The following LDLRAD3 variants were observed in gnomAD, a reference collection of about 807,000 sequenced individuals.
LDLRAD3 encodes the protein low-density lipoprotein receptor class A domain-containing protein 3.
Under a neutral mutation model 29.4 loss-of-function variants are expected in LDLRAD3, and 20 were observed. That is an observed-to-expected ratio of 0.68 (90% CI 0.48 to 0.99). LDLRAD3 has a LOEUF of 0.99. LDLRAD3 is among the 50% of genes least tolerant of loss of function. The probability of loss-of-function intolerance (pLI) is 0.00; values close to 1 mark genes in which losing one functional copy is unlikely to be tolerated. For missense variants in LDLRAD3, 420 were observed against 454.3 expected (o/e 0.92, Z 0.69); for synonymous variants, 157 against 192.7 (o/e 0.81, Z 1.53).
At chr11:36,000,998 G>C (rs1313780575) in intron 1 of LDLRAD3, 3 of 152,192 alleles carry the variant, frequency 2.0e-5, no homozygotes, top group Non-Finnish European at 4.4e-5. Flanking sequence ...CACACTCAAG[G>C]AGTGTTGGCT....
rs552889932 is a variant in LDLRAD3, at chr11:36,225,849, T to C, written c.455-1236T>C. Among the ~76,000 whole-genome samples, 5 of 152,176 alleles carry C rather than the reference T, an allele frequency of 3.3e-5. No individual in the cohort carries two copies. In the South Asian group the frequency reaches 8.3e-4, roughly 25 times the overall value. ...ACTTTGGGAGGCCGAGGCAGTTGGATCACTTGAGGTCAAGAGTTCGAGACC... is the reference window on the plus strand; with the variant it reads ...ACTTTGGGAGGCCGAGGCAGTTGGACCACTTGAGGTCAAGAGTTCGAGACC... On this transcript the variant is annotated intron_variant, in intron 4 of 5. Transcript: ENST00000315571.
chr11:36,162,691 A>G (rs941459522), intron 4 of LDLRAD3, among the ~76,000 whole-genome samples: 14 of 152,192 alleles, frequency 9.2e-5, no homozygotes, highest in Admixed American at 7.2e-4. Flanking sequence ...CTAAGTCTAT[A>G]GCTTCCCACT....
intron 4 of LDLRAD3, among the ~76,000 whole-genome samples, chr11:36,116,607 C>G (rs2133291644): frequency 6.6e-6 from 1 of 152,090 alleles, no homozygotes; most frequent in South Asian, 2.1e-4. Context: ...GAGAGACTCC[C>G]TGCATTATGT....
chr11:35,976,016 C>A (rs1006772617), intron 1 of LDLRAD3, among the ~76,000 whole-genome samples: 2 of 151,770 alleles, frequency 1.3e-5, no homozygotes, highest in Non-Finnish European at 2.9e-5. Flanking sequence ...AGAGAGGGAC[C>A]CTTTTTGATA....
intron 1 of LDLRAD3, among the ~76,000 whole-genome samples, chr11:35,991,100 C>G (rs1590710447): frequency 6.6e-6 from 1 of 152,168 alleles, no homozygotes; most frequent in Non-Finnish European, 1.5e-5. Context: ...TCAATAAAAC[C>G]AGAGCATTTT....
intron 1 of LDLRAD3, among the ~76,000 whole-genome samples, chr11:36,002,923 C>T (rs1424570041): frequency 6.6e-6 from 1 of 152,162 alleles, no homozygotes; most frequent in Non-Finnish European, 1.5e-5. Context: ...ACAACAGTGC[C>T]CATTTTATCC....
intron 1 of LDLRAD3, chr11:35,997,516 C>A: frequency 2.8e-6 from 1 of 363,472 alleles, no homozygotes; most frequent in South Asian, 2.6e-5. Context: ...ATCCTTAGAC[C>A]CTTCCAGTCA....
intron 3 of LDLRAD3, among the ~76,000 whole-genome samples, chr11:36,089,511 T>C (rs1017914533): frequency 1.3e-5 from 2 of 151,804 alleles, no homozygotes; most frequent in African/African-American, 4.8e-5. Context: ...AACTGCAACC[T>C]CCGCCTCCCG....
chr11:36,006,274 C>T (rs752197953), intron 1 of LDLRAD3, among the ~76,000 whole-genome samples: 6 of 152,156 alleles, frequency 3.9e-5, no homozygotes, highest in Non-Finnish European at 7.3e-5. Context: ...AAAGCCATGA[C>T]TTTAGGAAGC....
chr11:36,083,761 CA>C (rs1590253646), intron 3 of LDLRAD3, among the ~76,000 whole-genome samples: 25 of 151,362 alleles, frequency 1.7e-4, no homozygotes, highest in Admixed American at 4.0e-4. Context: ...CACACACACA[CA>C]CACACACACA....
chr11:36,024,073 C>T (rs1406871867), intron 1 of LDLRAD3, among the ~76,000 whole-genome samples: 1 of 152,118 alleles, frequency 6.6e-6, no homozygotes, highest in East Asian at 1.9e-4. Flanking sequence ...CACGTTCCAG[C>T]TAACCAGCCC....
At chr11:36,034,881 G>A (rs1483424962) in intron 1 of LDLRAD3, among the ~76,000 whole-genome samples, 1 of 152,218 alleles carries the variant, frequency 6.6e-6, no homozygotes, top group African/African-American at 2.4e-5. Flanking sequence ...ATAAAGGATA[G>A]TGGCCTGTAG....
intron 4 of LDLRAD3, chr11:36,196,721 G>C (rs1030735468): frequency 6.6e-6 from 1 of 152,166 alleles, no homozygotes; most frequent in Non-Finnish European, 1.5e-5. Flanking sequence ...TGCACGTGGG[G>C]CTCTTCAGCT....
intron 1 of LDLRAD3, among the ~76,000 whole-genome samples, chr11:35,973,484 G>T (rs1851440666): frequency 1.3e-5 from 2 of 152,052 alleles, no homozygotes; most frequent in Non-Finnish European, 2.9e-5. Context: ...TTGAGGTGTA[G>T]TCTTACTCTG....
At chr11:36,207,637 G>A (rs1213270028) in intron 4 of LDLRAD3, among the ~76,000 whole-genome samples, 3 of 152,052 alleles carry the variant, frequency 2.0e-5, no homozygotes, top group Admixed American at 6.6e-5. Flanking sequence ...GTGTTGGAGT[G>A]TGAAGGGCTA....
At chr11:36,036,359 G>T in intron 2 of LDLRAD3, 110 bp downstream of exon 2, 1 of 1,286,498 alleles carries the variant, frequency 7.8e-7, no homozygotes, top group South Asian at 1.3e-5. Context: ...GCAAGCTGGT[G>T]GTTTTGTGCC....
intron 2 of LDLRAD3, among the ~76,000 whole-genome samples, chr11:36,067,677 T>C (rs912642890): frequency 6.6e-6 from 1 of 152,140 alleles, no homozygotes. Context: ...CTGCTGTAAT[T>C]AACTTTTTTT....
intron 4 of LDLRAD3, among the ~76,000 whole-genome samples, chr11:36,161,892 C>G (rs1014009456): frequency 6.6e-6 from 1 of 152,172 alleles, no homozygotes; most frequent in East Asian, 1.9e-4. Flanking sequence ...GAATGAGATG[C>G]ATAATTCAGT....
intron 4 of LDLRAD3, among the ~76,000 whole-genome samples, chr11:36,222,915 A>G (rs1467521869): frequency 2.0e-5 from 3 of 152,186 alleles, no homozygotes; most frequent in Non-Finnish European, 4.4e-5. Context: ...TGGAATTAGT[A>G]CAGTCGAAGC....
Sources: gnomAD v4.1 joint callset for allele counts (sites outside exome capture counted in the v4.1 genomes callset) on GRCh38, gnomAD v4.1.1 for gene constraint, MANE v1.5 for transcripts, NCBI Gene and HGNC (gene_info 2026-07-23, HGNC 2026-07-21) for gene names.